Variants in AK5 observed in about 807,000 individuals in gnomAD.
AK5 encodes adenylate kinase 5.
Under a neutral mutation model 69.5 loss-of-function variants are expected in AK5, and 27 were observed. The ratio of observed to expected loss-of-function variants is 0.39; its 90% CI spans 0.29 to 0.54. AK5 has a LOEUF of 0.54. Ranked by LOEUF, AK5 falls within the 20% of genes least tolerant of loss-of-function variation. The pLI is 0.71. For synonymous variants in AK5, 260 were observed against 244.4 expected (o/e 1.06, Z -0.60); for missense variants, 531 against 700.4 (o/e 0.76, Z 2.73).
chr1:77,409,291 G>T (rs928318182), intron 6 of AK5, among the ~76,000 whole-genome samples: 1 of 152,190 alleles, frequency 6.6e-6, no homozygotes, highest in Admixed American at 6.5e-5. Flanking sequence ...TAATGGGGTT[G>T]CTGGGTCAAA....
At chr1:77,549,540 A>T (rs549719028) in intron 13 of AK5, among the ~76,000 whole-genome samples, 3 of 152,240 alleles carry the variant, frequency 2.0e-5, no homozygotes, top group Admixed American at 6.5e-5. Flanking sequence ...CAAATACTAG[A>T]TCACATTCAT....
intron 8 of AK5, among the ~76,000 whole-genome samples, chr1:77,444,735 T>C (rs1400596308): frequency 6.9e-6 from 1 of 145,038 alleles, no homozygotes; most frequent in Non-Finnish European, 1.5e-5. Flanking sequence ...AATATATGTA[T>C]ATATTTGACT....
chr1:77,303,667 T>C (rs1659466868), intron 5 of AK5, among the ~76,000 whole-genome samples: 1 of 152,192 alleles, frequency 6.6e-6, no homozygotes, highest in Non-Finnish European at 1.5e-5. Flanking sequence ...GGAAAATAGT[T>C]TTGACCTATG....
chr1:77,282,325 C>T lies in AK5; in HGVS notation c.12C>T (p.Asn4=), dbSNP rs1415743903. Reference sequence around the variant, plus strand: ...CGCGCGGCACAGCCATGAACACCAACGATGCCAAGGAGTATCTGGCCCGGA... The same window carrying T: ...CGCGCGGCACAGCCATGAACACCAATGATGCCAAGGAGTATCTGGCCCGGA... MNT[N]DAKEYLARRE... is the part of the protein sequence containing the mutation. Residue 4 remains asparagine (N), a synonymous_variant, in exon 1 of 14, where the codon AAC becomes AAT. Coordinates refer to ENST00000354567, the MANE Select transcript of AK5 (RefSeq NM_174858.3). 1.3e-6 allele frequency: 2 copies of T among 1,562,038 alleles called. No individual in the cohort carries two copies. Among genetic ancestry groups the T allele is most frequent in the Non-Finnish European group, 1.7e-6 (2 of 1,153,362 alleles).
intron 5 of AK5, among the ~76,000 whole-genome samples, chr1:77,320,324 T>C (rs908851766): frequency 2.6e-5 from 4 of 152,330 alleles, no homozygotes; most frequent in Middle Eastern, 3.4e-3. Flanking sequence ...CAAACCGTAT[T>C]GGAAGGATTT....
At position 77,508,516 on chromosome 1, in the gene AK5, C is replaced by T. The variant is rs572078068; in HGVS notation, c.1148-10048C>T. ...CCTCTGCTCCAAACCAGTACACATCCACCTCTGCCCACATTTCATTGACCA... is the reference window on the plus strand; with the variant it reads ...CCTCTGCTCCAAACCAGTACACATCTACCTCTGCCCACATTTCATTGACCA... On this transcript the variant is annotated intron_variant, in intron 10 of 13. Transcript: ENST00000354567. Among the ~76,000 whole-genome samples, 134 of 152,256 alleles carry T rather than the reference C, an allele frequency of 8.8e-4. 1 individual carries two copies. The highest frequency in any genetic ancestry group is 1.4e-3 in the Admixed American group (22 of 15,294).
chr1:77,451,906 T>C (rs1653183362), intron 8 of AK5, among the ~76,000 whole-genome samples: 1 of 152,218 alleles, frequency 6.6e-6, no homozygotes, highest in Non-Finnish European at 1.5e-5. Flanking sequence ...ATTAATCATG[T>C]GGAACAATCA....
intron 5 of AK5, among the ~76,000 whole-genome samples, chr1:77,330,163 A>G (rs1378411798): frequency 6.6e-6 from 1 of 152,200 alleles, no homozygotes; most frequent in Non-Finnish European, 1.5e-5. Context: ...ACGTGTGGCA[A>G]ACATCTCCTG....
intron 5 of AK5, among the ~76,000 whole-genome samples, chr1:77,324,373 A>G (rs1660689153): frequency 6.6e-6 from 1 of 151,566 alleles, no homozygotes; most frequent in Non-Finnish European, 1.5e-5. Flanking sequence ...TGGCTATAGA[A>G]TAAGACTAAA....
At chr1:77,296,462 T>A (rs1659006708) in intron 3 of AK5, among the ~76,000 whole-genome samples, 1 of 152,140 alleles carries the variant, frequency 6.6e-6, no homozygotes, top group African/African-American at 2.4e-5. Flanking sequence ...GCCAATCATA[T>A]TTTTTGTTGT....
intron 6 of AK5, among the ~76,000 whole-genome samples, chr1:77,351,903 C>A (rs190181357): frequency 6.0e-5 from 9 of 150,442 alleles, no homozygotes; most frequent in African/African-American, 1.7e-4. Flanking sequence ...TGAAAAGATA[C>A]GTAAAATACA....
intron 1 of AK5, chr1:77,283,484 C>G: frequency 1.0e-6 from 1 of 985,418 alleles, no homozygotes. Context: ...TAAAGCACCA[C>G]TTGAGAAAAT....
intron 12 of AK5, among the ~76,000 whole-genome samples, chr1:77,534,866 GAACAA>G (rs2100354551): frequency 6.6e-6 from 1 of 152,280 alleles, no homozygotes; most frequent in South Asian, 2.1e-4. Flanking sequence ...AAACTTTAAA[GAACAA>G]TTTGTTATTA....
At chr1:77,339,563 A>G (rs1661539181) in intron 5 of AK5, among the ~76,000 whole-genome samples, 1 of 152,146 alleles carries the variant, frequency 6.6e-6, no homozygotes, top group African/African-American at 2.4e-5. Flanking sequence ...TCAGACAAGT[A>G]CTTAATTTCT....
chr1:77,433,999 TTGAG>T (rs1370937196), intron 8 of AK5, among the ~76,000 whole-genome samples: 1 of 151,484 alleles, frequency 6.6e-6, no homozygotes, highest in East Asian at 1.9e-4. Flanking sequence ...ATGAATCTGA[TTGAG>T]TATGTCTTTA....
At chr1:77,298,227 A>T (rs973544271) in intron 5 of AK5, among the ~76,000 whole-genome samples, 1 of 151,540 alleles carries the variant, frequency 6.6e-6, no homozygotes, top group Non-Finnish European at 1.5e-5. Context: ...TTTTCATACA[A>T]TTTTTTTTTA....
At chr1:77,473,503 A>G (rs1274472127) in intron 8 of AK5, among the ~76,000 whole-genome samples, 1 of 152,168 alleles carries the variant, frequency 6.6e-6, no homozygotes, top group Non-Finnish European at 1.5e-5. Flanking sequence ...TTCCAAATCT[A>G]CACTTCCAGG....
intron 8 of AK5, among the ~76,000 whole-genome samples, chr1:77,428,999 T>C (rs1437889938): frequency 2.6e-5 from 4 of 152,230 alleles, no homozygotes; most frequent in African/African-American, 9.7e-5. Context: ...CAGTCTATCA[T>C]TGTTGGACAT....
intron 8 of AK5, among the ~76,000 whole-genome samples, chr1:77,472,414 T>C (rs1654570220): frequency 6.6e-6 from 1 of 152,184 alleles, no homozygotes; most frequent in African/African-American, 2.4e-5. Context: ...CTCTCTTTTT[T>C]AATAGAGAAA....
Sources: gnomAD v4.1 joint callset for allele counts (sites outside exome capture counted in the v4.1 genomes callset) on GRCh38, gnomAD v4.1.1 for gene constraint, MANE v1.5 for transcripts, NCBI Gene and HGNC (gene_info 2026-07-23, HGNC 2026-07-21) for gene names.